SEL1L: variants seen among roughly 807,000 people sequenced by gnomAD.
SEL1L encodes SEL1L adaptor subunit of SYVN1 ubiquitin ligase, also known as protein sel-1 homolog 1.
In SEL1L, 52 loss-of-function variants were observed where a neutral mutation model predicts 109.8. That is an observed-to-expected ratio of 0.47 (90% CI 0.38 to 0.60). SEL1L has a LOEUF of 0.60. SEL1L is among the 20% of genes least tolerant of loss of function. SEL1L has a pLI of 0.00. For missense variants in SEL1L, 749 were observed against 962.2 expected (o/e 0.78, Z 2.93); for synonymous variants, 373 against 339.6 (o/e 1.10, Z -1.08).
chr14:81,533,323 C>A (rs1885407742), intron 1 of SEL1L, among the ~76,000 whole-genome samples: 1 of 152,204 alleles, frequency 6.6e-6, no homozygotes, highest in South Asian at 2.1e-4. Context: ...GCCCAGAGTT[C>A]TAGACCAGAC....
intron 19 of SEL1L, among the ~76,000 whole-genome samples, chr14:81,480,431 C>T (rs373848883): frequency 5.3e-5 from 8 of 152,258 alleles, no homozygotes; most frequent in South Asian, 2.1e-4. Flanking sequence ...CCTCGTAATC[C>T]GCCCGCCTCA....
intron 3 of SEL1L, among the ~76,000 whole-genome samples, chr14:81,522,238 C>T (rs777951312): frequency 1.3e-5 from 2 of 152,048 alleles, no homozygotes; most frequent in Non-Finnish European, 2.9e-5. Flanking sequence ...TTAGTGCAGC[C>T]TAAGTGTACT....
In SEL1L at chr14:81,516,989, C is replaced by T. The variant is rs144527825; in HGVS notation, c.340+9744G>A. On this transcript the variant is annotated intron_variant, in intron 3 of 20. Coordinates refer to ENST00000336735, the MANE Select transcript of SEL1L (RefSeq NM_005065.6). The stretch of plus-strand genomic sequence containing the variant: ...AAATCCCCCTACCAAATCATTAAAC[C>T]TGGGGATGGTTTAGGGGTTCCCTGA... Among the ~76,000 whole-genome samples, 255 of 152,228 alleles carry T rather than the reference C, an allele frequency of 1.7e-3. 3 individuals carry two copies. The highest frequency in any genetic ancestry group is 5.9e-3 in the African/African-American group (244 of 41,518).
chr14:81,512,388 G>A lies in SEL1L; in HGVS notation c.341-6147C>T, dbSNP rs1158805775. On this transcript the variant is annotated intron_variant, in intron 3 of 20. Coordinates refer to ENST00000336735, the MANE Select transcript of SEL1L (RefSeq NM_005065.6). ...TGCTTAACATATCATTGACATTCTTGTAGGTGGCAGACAGGGCAGACTGCC... is the reference window on the plus strand; with the variant it reads ...TGCTTAACATATCATTGACATTCTTATAGGTGGCAGACAGGGCAGACTGCC... Among the ~76,000 whole-genome samples, 3 of 152,196 alleles carry A rather than the reference G, an allele frequency of 2.0e-5. No homozygotes were observed. The East Asian group carries it at 5.8e-4, about 29-fold the overall frequency.
At chr14:81,486,571 A>G in intron 16 of SEL1L, 117 bp from the exon 17 acceptor site, 1 of 936,164 alleles carries the variant, frequency 1.1e-6, no homozygotes, top group African/African-American at 1.7e-5. Flanking sequence ...AATTTCTGGC[A>G]GCTTTCTTGA....
intron 3 of SEL1L, among the ~76,000 whole-genome samples, chr14:81,524,575 T>G (rs1247719312): frequency 2.6e-5 from 4 of 152,052 alleles, no homozygotes; most frequent in Non-Finnish European, 4.4e-5. Flanking sequence ...AAATGACACT[T>G]AAAAACAAAG....
Position 81,479,695 on chromosome 14 carries a change from T to C in SEL1L, c.2092A>G (p.Ser698Gly), listed in dbSNP as rs200886653. 1 of 1,614,074 alleles carries C rather than the reference T, an allele frequency of 6.2e-7. No individual in the cohort carries two copies. Among genetic ancestry groups the C allele is most frequent in the Non-Finnish European group, 8.5e-7 (1 of 1,179,960 alleles). ...AAGACTGGAACTTGTGCATCTGGGC[T>C]GGCTTCAGCTGCCATGTCATAAAAA... ...KRFYDMAAEASPDAQVPVFLA... is the reference protein window; with the variant it reads ...KRFYDMAAEAGPDAQVPVFLA... Residue 698 changes from serine to glycine, a missense_variant, in exon 20 of 21, where the codon AGC (serine) becomes GGC (glycine). Ser to Gly is a moderately conservative substitution (Grantham distance 56, BLOSUM62 0). This residue lies in a region of SEL1L where 383 missense variants were observed against 562.5 expected (regional missense o/e 0.68). Transcript: ENST00000336735.
intron 3 of SEL1L, among the ~76,000 whole-genome samples, chr14:81,518,890 G>A (rs1028098227): frequency 4.6e-5 from 7 of 152,116 alleles, no homozygotes; most frequent in Non-Finnish European, 8.8e-5. Context: ...GACCTAGGGA[G>A]TAGACTGTGC....
intron 3 of SEL1L, among the ~76,000 whole-genome samples, chr14:81,522,681 G>A (rs1884965377): frequency 6.6e-6 from 1 of 152,154 alleles, no homozygotes; most frequent in Non-Finnish European, 1.5e-5. Context: ...CTGTCCCTCA[G>A]TATCACTGGA....
At chr14:81,500,861 G>A (rs183710756) in intron 6 of SEL1L, among the ~76,000 whole-genome samples, 1 of 152,228 alleles carries the variant, frequency 6.6e-6, no homozygotes, top group Non-Finnish European at 1.5e-5. Context: ...ACACAAAAAT[G>A]GAAGAAATAA....
Position 81,476,883 on chromosome 14 carries a change from C to T in SEL1L, c.*89G>A. The T allele has an allele frequency of 7.5e-7, 1 of 1,333,020 alleles. No individual in the cohort carries two copies. The highest frequency in any genetic ancestry group is 1.0e-6 in the Non-Finnish European group (1 of 961,206). The allele number at this position is 1,333,020 out of a possible 1,614,324, so 82.6% of individuals were successfully genotyped here. ...GTGCCGTGCCTCTTCTGGGAGGTGA[C>T]CACTGATCCAAGGTCCTAAATCAAA... On this transcript the variant is annotated 3_prime_UTR_variant, in exon 21 of 21. Coordinates refer to ENST00000336735, the MANE Select transcript of SEL1L (RefSeq NM_005065.6).
intron 15 of SEL1L, 65 bp downstream of exon 15, chr14:81,487,790 C>A: frequency 6.3e-7 from 1 of 1,596,942 alleles, no homozygotes; most frequent in South Asian, 1.1e-5. Context: ...ATCATAATGC[C>A]ATCTAGTAGA....
At chr14:81,528,325 T>C (rs927299209) in intron 1 of SEL1L, among the ~76,000 whole-genome samples, 1 of 152,174 alleles carries the variant, frequency 6.6e-6, no homozygotes, top group Admixed American at 6.5e-5. Flanking sequence ...AAAAGCAGCA[T>C]GGTCCTATCA....
chr14:81,472,804 G>C lies in SEL1L; in HGVS notation c.*4168C>G, dbSNP rs1001706783. ...GAAAGATAAATTCAAATTGCCACAAGTGAATGTTTTCAGAAGCTTCTGAAT... is the reference window on the plus strand; with the variant it reads ...GAAAGATAAATTCAAATTGCCACAACTGAATGTTTTCAGAAGCTTCTGAAT... On this transcript the variant is annotated 3_prime_UTR_variant, in exon 21 of 21. Transcript: ENST00000336735. 1.4e-5 allele frequency: 3 copies of C among 207,132 alleles called. No homozygotes were observed. In the Admixed American group the frequency reaches 1.7e-4, roughly 12 times the overall value. The allele number at this position is 207,132 out of a possible 1,614,324, so 12.8% of individuals were successfully genotyped here.
In SEL1L at chr14:81,533,843, T is replaced by C; in HGVS notation, c.-99A>G. The C allele has an allele frequency of 8.1e-7, 1 of 1,235,640 alleles. No homozygotes were observed. The highest frequency in any genetic ancestry group is 1.2e-6 in the Non-Finnish European group (1 of 863,934). 76.5% of individuals were successfully genotyped at this position (1,235,640 alleles called of 1,614,324 possible). On this transcript the variant is annotated 5_prime_UTR_variant, in exon 1 of 21. Transcript: ENST00000336735. ...GCCGCCTCGCCGCTGCTCTTCCTGC[T>C]CTAGTCTCCTTCCTCCGCCCCTTCC...
At chr14:81,485,793 A>C in intron 17 of SEL1L, 47 bp from the exon 18 acceptor site, 3 of 1,517,502 alleles carry the variant, frequency 2.0e-6, no homozygotes, top group Non-Finnish European at 2.7e-6. Flanking sequence ...AAGAAAAGGC[A>C]CTAGACTTAA....
chr14:81,497,854 T>C, intron 10 of SEL1L, 38 bp downstream of exon 10: 2 of 1,588,958 alleles, frequency 1.3e-6, no homozygotes, highest in Non-Finnish European at 1.7e-6. Context: ...AAATATACAA[T>C]GCAGTAAAGA....
chr14:81,481,178 C>A (rs1335387651), intron 19 of SEL1L, among the ~76,000 whole-genome samples: 4 of 152,168 alleles, frequency 2.6e-5, no homozygotes, highest in Non-Finnish European at 5.9e-5. Context: ...CTGGAGTGTT[C>A]TGAATTCAGA....
chr14:81,525,722 C>T (rs1452734795), intron 3 of SEL1L, among the ~76,000 whole-genome samples: 2 of 151,986 alleles, frequency 1.3e-5, no homozygotes, highest in Admixed American at 6.6e-5. Flanking sequence ...GTTTATGGTA[C>T]CATATATTTA....
Sources: allele counts gnomAD v4.1 joint callset (sites outside exome capture counted in the v4.1 genomes callset), GRCh38; gene constraint gnomAD v4.1.1; regional missense constraint gnomAD v4.1.1; transcripts MANE v1.5; gene names NCBI Gene and HGNC (gene_info 2026-07-23, HGNC 2026-07-21).